DLC1: variants seen among roughly 807,000 people sequenced by gnomAD.
DLC1 encodes the protein DLC1 Rho GTPase activating protein, also known as rho GTPase-activating protein 7.
Under a neutral mutation model 140.3 loss-of-function variants are expected in DLC1, and 54 were observed. The observed-to-expected ratio is 0.38, with a 90% CI of 0.31 to 0.48. The LOEUF is 0.48. DLC1 is among the 20% of genes least tolerant of loss of function. The pLI is 0.96. For missense variants in DLC1, 2,536 were observed against 1,907.0 expected (o/e 1.33, Z -6.14); for synonymous variants, 986 against 728.1 (o/e 1.35, Z -5.70).
Position 13,374,600 on chromosome 8 carries a change from T to A in DLC1, c.1314+18953A>T, listed in dbSNP as rs184954035. 5.1e-3 allele frequency among the ~76,000 whole-genome samples: 771 copies of A among 152,228 alleles called. 5 individuals are homozygous for A. The highest frequency in any genetic ancestry group is 0.017 in the African/African-American group (708 of 41,540). ...GAGTTTGAGACCCGCGTGGCCAACATGGTGAAACCCCATCTCTGCTAAAAA... is the reference window on the plus strand; with the variant it reads ...GAGTTTGAGACCCGCGTGGCCAACAAGGTGAAACCCCATCTCTGCTAAAAA... On this transcript the variant is annotated intron_variant, in intron 4 of 17. Transcript: ENST00000276297.
At position 13,100,024 on chromosome 8, in the gene DLC1, C is replaced by T; in HGVS notation, c.2313G>A (p.Arg771=). Residue 771 remains arginine, a synonymous_variant, in exon 9 of 18, where the codon CGG becomes CGA. Transcript: ENST00000276297. The part of the protein sequence containing the change: ...RTRSLSACNK[R]VGMYLEGFDP... ...CGAAGCCCTCTAAGTACATGCCCAC[C>T]CGCTTGTTGCACGCACTGAGGCTCC... 1 of 1,612,898 alleles carries T rather than the reference C, an allele frequency of 6.2e-7. No homozygotes were observed. Among genetic ancestry groups the T allele is most frequent in the Non-Finnish European group, 8.5e-7 (1 of 1,180,030 alleles).
At position 13,208,836 on chromosome 8, in the gene DLC1, C is replaced by T. The variant is rs922515282; in HGVS notation, c.1349-93179G>A. ...AGCAATTCCTTAAAACTTGGAAGAG[C>T]TGATGATGTGGGAAAAATAAAAAAT... On this transcript the variant is annotated intron_variant, in intron 5 of 17. Coordinates refer to ENST00000276297, the MANE Select transcript of DLC1 (RefSeq NM_182643.3). Among the ~76,000 whole-genome samples the T allele has an allele frequency of 9.2e-5, 14 of 151,770 alleles. No individual in the cohort carries two copies. The South Asian group carries it at 2.5e-3, about 27-fold the overall frequency.
intron 5 of DLC1, among the ~76,000 whole-genome samples, chr8:13,153,031 T>C (rs1264782820): frequency 6.6e-6 from 1 of 152,172 alleles, no homozygotes; most frequent in Non-Finnish European, 1.5e-5. Flanking sequence ...TTTGTGGAAA[T>C]ACCCTATGCT....
At chr8:13,533,814 C>T (rs774896009) in intron 1 of DLC1, among the ~76,000 whole-genome samples, 2 of 152,162 alleles carry the variant, frequency 1.3e-5, no homozygotes, top group African/African-American at 4.8e-5. Flanking sequence ...TGAGCAAGTT[C>T]TCACAAGATC....
chr8:13,388,798 T>C (rs1836631275), intron 4 of DLC1, among the ~76,000 whole-genome samples: 1 of 151,938 alleles, frequency 6.6e-6, no homozygotes, highest in Admixed American at 6.6e-5. Context: ...ATAAAATCTG[T>C]GGTGGATATA....
intron 1 of DLC1, among the ~76,000 whole-genome samples, chr8:13,564,752 A>C (rs1804369040): frequency 6.6e-6 from 1 of 152,220 alleles, no homozygotes; most frequent in South Asian, 2.1e-4. Flanking sequence ...TTGATCATTA[A>C]GGAAAAAGCT....
intron 5 of DLC1, among the ~76,000 whole-genome samples, chr8:13,188,843 ATTT>A (rs869162448): frequency 1.7e-3 from 53 of 30,630 alleles, no homozygotes; most frequent in African/African-American, 5.4e-3. Context: ...ATATATATAT[ATTT>A]TTTTTTTTTT....
chr8:13,242,651 T>C (rs946112594), intron 5 of DLC1, among the ~76,000 whole-genome samples: 14 of 152,098 alleles, frequency 9.2e-5, no homozygotes, highest in African/African-American at 2.4e-4. Context: ...CCTTGGCCTG[T>C]GAAAGTGCTG....
At chr8:13,129,673 C>G (rs908098849) in intron 5 of DLC1, among the ~76,000 whole-genome samples, 2 of 152,174 alleles carry the variant, frequency 1.3e-5, no homozygotes, top group Non-Finnish European at 2.9e-5. Flanking sequence ...CCTTTCTCCC[C>G]AGGTCTGCTT....
intron 1 of DLC1, among the ~76,000 whole-genome samples, chr8:13,546,064 C>T (rs781704608): frequency 1.3e-5 from 2 of 151,934 alleles, no homozygotes; most frequent in Admixed American, 6.6e-5. Flanking sequence ...TCTTTTATGC[C>T]GTCTTGGAAT....
intron 5 of DLC1, among the ~76,000 whole-genome samples, chr8:13,241,630 C>T (rs141938717): frequency 5.0e-4 from 76 of 152,312 alleles, no homozygotes; most frequent in African/African-American, 1.4e-3. Context: ...GTCCTCTAAA[C>T]GGCAAAGTAA....
At chr8:13,309,625 G>C (rs1280833921) in intron 4 of DLC1, among the ~76,000 whole-genome samples, 2 of 152,132 alleles carry the variant, frequency 1.3e-5, no homozygotes, top group Non-Finnish European at 2.9e-5. Context: ...AAAGATGGTT[G>C]GGGAAATGCT....
intron 2 of DLC1, among the ~76,000 whole-genome samples, chr8:13,474,723 C>T (rs570908161): frequency 4.6e-5 from 7 of 152,300 alleles, no homozygotes; most frequent in East Asian, 3.9e-4. Context: ...CAAAGAAGAT[C>T]GCTTTGGAGT....
At chr8:13,233,690 A>G (rs1363868271) in intron 5 of DLC1, among the ~76,000 whole-genome samples, 1 of 152,238 alleles carries the variant, frequency 6.6e-6, no homozygotes, top group Non-Finnish European at 1.5e-5. Flanking sequence ...TAGAACATTT[A>G]AACACATGAA....
chr8:13,110,717 A>T (rs767913175), intron 7 of DLC1, 25 bp downstream of exon 7: 1 of 1,599,670 alleles, frequency 6.3e-7, no homozygotes, highest in South Asian at 1.1e-5. Context: ...TAAAAAAGGA[A>T]AACACTCAAA....
chr8:13,219,245 T>C (rs1237820787), intron 5 of DLC1, among the ~76,000 whole-genome samples: 8 of 136,046 alleles, frequency 5.9e-5, no homozygotes, highest in African/African-American at 2.2e-4. Context: ...ATAATGATAT[T>C]CTTGAATATG....
intron 10 of DLC1, 160 bp from the exon 11 acceptor site, chr8:13,095,405 G>A: frequency 1.2e-6 from 1 of 856,482 alleles, no homozygotes; most frequent in Non-Finnish European, 1.8e-6. Flanking sequence ...CAGTTCCCCA[G>A]TGGTACTGGC....
At position 13,432,206 on chromosome 8, in the gene DLC1, T is replaced by C. The variant is rs191741196; in HGVS notation, c.1024-30587A>G. On this transcript the variant is annotated intron_variant, in intron 2 of 17. Coordinates refer to ENST00000276297, the MANE Select transcript of DLC1 (RefSeq NM_182643.3). ...ATCATGAACTCAATAATGTATTATA[T>C]TGAAAATGAGACCTAACTATAGGCA... 3.2e-4 allele frequency among the ~76,000 whole-genome samples: 48 copies of C among 152,340 alleles called. No homozygotes were observed. The East Asian group carries it at 7.5e-3, about 24-fold the overall frequency.
intron 2 of DLC1, among the ~76,000 whole-genome samples, chr8:13,446,897 G>A (rs289633): frequency 0.17 from 25,824 of 151,370 alleles, 2,774 homozygotes; most frequent in African/African-American, 0.29. Flanking sequence ...AGCTGAGATC[G>A]CGCCATTGTA....
Sources: gnomAD v4.1 joint callset for allele counts (sites outside exome capture counted in the v4.1 genomes callset) on GRCh38, gnomAD v4.1.1 for gene constraint, MANE v1.5 for transcripts, NCBI Gene and HGNC (gene_info 2026-07-23, HGNC 2026-07-21) for gene names.